Variants in MS4A5 observed in about 807,000 individuals in gnomAD.
MS4A5 encodes the protein membrane-spanning 4-domains subfamily A member 5.
A neutral mutation model predicts 18.2 loss-of-function variants in MS4A5; 15 were observed. The observed-to-expected ratio is 0.83, with a 90% CI of 0.55 to 1.27. The LOEUF (loss-of-function observed/expected upper bound fraction) is 1.27, where lower values mean the gene tolerates loss of function less well. Among genes scored for constraint, MS4A5 ranks in the 50% most tolerant of loss-of-function variants. MS4A5 has a pLI of 0.00. For synonymous variants in MS4A5, 89 were observed against 78.7 expected (o/e 1.13, Z -0.69); for missense variants, 232 against 225.7 (o/e 1.03, Z -0.18).
At position 60,433,452 on chromosome 11, in the gene MS4A5, C is replaced by G. The variant is rs548970087; in HGVS notation, c.340-313C>G. ...AGGAGTCTTAAAATAAAAATGTAAA[C>G]AGACCATGACTTTCACCAGAAAATC... On this transcript the variant is annotated intron_variant, in intron 3 of 4. Transcript: ENST00000300190. 3.9e-5 allele frequency among the ~76,000 whole-genome samples: 6 copies of G among 152,284 alleles called. No homozygotes were observed. The South Asian group carries it at 1.2e-3, about 32-fold the overall frequency.
chr11:60,437,132 A>G (rs895528074), intron 4 of MS4A5, among the ~76,000 whole-genome samples: 1 of 140,332 alleles, frequency 7.1e-6, no homozygotes, highest in African/African-American at 2.5e-5. Flanking sequence ...ATTCTGAAAG[A>G]AAAGAATTTT....
intron 4 of MS4A5, among the ~76,000 whole-genome samples, chr11:60,444,953 T>C (rs2086131518): frequency 6.6e-6 from 1 of 152,226 alleles, no homozygotes; most frequent in South Asian, 2.1e-4. Context: ...GTTAAACTGA[T>C]AAGGAACTCA....
intron 3 of MS4A5, 147 bp downstream of exon 3, chr11:60,432,614 C>A (rs899389979): frequency 8.9e-6 from 4 of 449,274 alleles, no homozygotes; most frequent in Non-Finnish European, 1.6e-5. Context: ...GGTGAAACCC[C>A]ATCTCTACTA....
intron 4 of MS4A5, among the ~76,000 whole-genome samples, chr11:60,435,716 T>C (rs1454992289): frequency 6.6e-6 from 1 of 152,130 alleles, no homozygotes; most frequent in Non-Finnish European, 1.5e-5. Context: ...ATACTGCGCT[T>C]TTCCGACGGG....
At chr11:60,444,474 C>A (rs911446447) in intron 4 of MS4A5, among the ~76,000 whole-genome samples, 2 of 151,970 alleles carry the variant, frequency 1.3e-5, no homozygotes, top group Non-Finnish European at 2.9e-5. Context: ...ATAAAATGGA[C>A]TACCAAAGCA....
At chr11:60,435,176 C>A (rs1251036716) in intron 4 of MS4A5, among the ~76,000 whole-genome samples, 1 of 152,076 alleles carries the variant, frequency 6.6e-6, no homozygotes, top group East Asian at 1.9e-4. Context: ...CTGGCAGAAG[C>A]AAAACCGAAG....
chr11:60,447,543 G>A (rs1425388445), intron 4 of MS4A5, 106 bp from the exon 5 acceptor site: 2 of 630,670 alleles, frequency 3.2e-6, no homozygotes, highest in Non-Finnish European at 5.4e-6. Flanking sequence ...GAGATATTTG[G>A]GGAAGCTTTT....
chr11:60,434,733 C>T (rs1017637957), intron 4 of MS4A5, among the ~76,000 whole-genome samples: 89 of 152,214 alleles, frequency 5.8e-4, no homozygotes, highest in African/African-American at 2.1e-3. Flanking sequence ...AGCCTGCAAC[C>T]TGAAATTTAC....
intron 4 of MS4A5, among the ~76,000 whole-genome samples, chr11:60,442,930 C>G (rs2086121626): frequency 6.6e-6 from 1 of 152,174 alleles, no homozygotes; most frequent in East Asian, 1.9e-4. Flanking sequence ...CACTTGAGGT[C>G]AGGAGTTTGA....
intron 4 of MS4A5, among the ~76,000 whole-genome samples, chr11:60,444,565 T>C (rs1252578724): frequency 6.6e-6 from 1 of 152,004 alleles, no homozygotes; most frequent in Non-Finnish European, 1.5e-5. Context: ...TAAGCACTCC[T>C]GAAAATCAAT....
At chr11:60,429,968 T>C (rs2086039590) in intron 1 of MS4A5, 141 bp downstream of exon 1, 4 of 803,072 alleles carry the variant, frequency 5.0e-6, no homozygotes, top group Admixed American at 3.0e-5. Flanking sequence ...TGGTGGGCCA[T>C]TTGAGAGAGG....
chr11:60,443,727 C>T (rs373207473), intron 4 of MS4A5, among the ~76,000 whole-genome samples: 3 of 151,732 alleles, frequency 2.0e-5, no homozygotes, highest in Non-Finnish European at 2.9e-5. Context: ...AATTGGTAAA[C>T]CCCTAGATAT....
chr11:60,435,474 G>A, intron 4 of MS4A5: 1 of 414,300 alleles, frequency 2.4e-6, no homozygotes, highest in African/African-American at 2.1e-5. Flanking sequence ...CTCCCAGCGT[G>A]AGAGACGCAG....
At chr11:60,430,682 C>T (rs2086043874) in intron 1 of MS4A5, 114 bp from the exon 2 acceptor site, 2 of 1,194,820 alleles carry the variant, frequency 1.7e-6, no homozygotes, top group Non-Finnish European at 2.4e-6. Context: ...TATTCTTCCC[C>T]TAATTACCAA....
chr11:60,430,940 C>T lies in MS4A5; in HGVS notation c.282+16C>T, dbSNP rs1358427621. 3.7e-6 allele frequency: 6 copies of T among 1,600,048 alleles called. No homozygotes were observed. The highest frequency in any genetic ancestry group is 5.1e-6 in the Non-Finnish European group (6 of 1,176,694). On this transcript the variant is annotated intron_variant, in intron 2 of 4. Coordinates refer to ENST00000300190, the MANE Select transcript of MS4A5 (RefSeq NM_023945.3). ...CTCTGTTTTGGTGAGTATAGTCAAT[C>T]AAGTTCAATTTGAAGCCATGCCAAC...
At chr11:60,444,630 T>C (rs1024072079) in intron 4 of MS4A5, among the ~76,000 whole-genome samples, 1 of 152,130 alleles carries the variant, frequency 6.6e-6, no homozygotes, top group Admixed American at 6.5e-5. Flanking sequence ...CAAAGAAAGA[T>C]AGATAAATGG....
chr11:60,445,637 T>C (rs2086134818), intron 4 of MS4A5, among the ~76,000 whole-genome samples: 1 of 152,174 alleles, frequency 6.6e-6, no homozygotes, highest in Non-Finnish European at 1.5e-5. Flanking sequence ...AACAGCAACA[T>C]TTTCATGTGT....
chr11:60,436,204 A>T (rs555635195), intron 4 of MS4A5, among the ~76,000 whole-genome samples: 14 of 151,678 alleles, frequency 9.2e-5, no homozygotes, highest in African/African-American at 3.1e-4. Context: ...ACAGACCTGC[A>T]GCTGAGGGTC....
At chr11:60,432,550 G>C in intron 3 of MS4A5, 83 bp downstream of exon 3, 3 of 799,210 alleles carry the variant, frequency 3.8e-6, no homozygotes, top group Middle Eastern at 3.7e-4. Context: ...CACTTTGGGA[G>C]GCCAAGACGG....
Sources: allele counts gnomAD v4.1 joint callset (sites outside exome capture counted in the v4.1 genomes callset), GRCh38; gene constraint gnomAD v4.1.1; transcripts MANE v1.5; gene names NCBI Gene and HGNC (gene_info 2026-07-23, HGNC 2026-07-21).